Variants in GABPB1 observed in about 807,000 individuals in gnomAD.
The protein encoded by GABPB1 is GA binding protein transcription factor subunit beta 1.
In GABPB1, 15 loss-of-function variants were observed where a neutral mutation model predicts 45.9. The ratio of observed to expected loss-of-function variants is 0.33; its 90% CI spans 0.22 to 0.50. The LOEUF (loss-of-function observed/expected upper bound fraction) is 0.50. Ranked by LOEUF, GABPB1 falls within the 20% of genes least tolerant of loss-of-function variation. The pLI is 0.98. For synonymous variants in GABPB1, 143 were observed against 154.4 expected (o/e 0.93, Z 0.55); for missense variants, 252 against 457.5 (o/e 0.55, Z 4.10).
rs3784296 is a variant in GABPB1, at chr15:50,277,152, T to G, written c.*1480A>C. 0.52 allele frequency: 78,688 copies of G among 151,938 alleles called. 22,052 individuals are homozygous for G. Among genetic ancestry groups the G allele is most frequent in the Middle Eastern group, 0.68 (200 of 294 alleles). 9.4% of individuals were successfully genotyped at this position (151,938 alleles called of 1,614,324 possible). On this transcript the variant is annotated 3_prime_UTR_variant, in exon 9 of 9. Coordinates refer to ENST00000380877, the MANE Select transcript of GABPB1 (RefSeq NM_016654.5). ...TACCTCAGGAATTTTAAAGTCATGT[T>G]GTGGAGAGTATAAAATATTTTCATA... is the stretch of plus-strand genomic sequence containing the variant.
At position 50,301,272 on chromosome 15, in the gene GABPB1, C is replaced by G; in HGVS notation, c.568G>C (p.Val190Leu). The G allele has an allele frequency of 6.2e-7, 1 of 1,613,946 alleles. No homozygotes were observed. The highest frequency in any genetic ancestry group is 1.1e-5 in the South Asian group (1 of 91,084). Residue 190 changes from valine (V) to leucine (L), a missense_variant, in exon 5 of 9, where the codon GTG becomes CTG. Val to Leu is a conservative substitution (Grantham distance 32). Around this residue, in one of 4 missense-constraint regions of GABPB1, gnomAD observed 193 missense variants for 259.9 expected, o/e 0.74. Transcript: ENST00000380877. ...GATACCAGACCTGTTAGGTTCACCA[C>G]CCCTCCAGGTCCAATGATAAACTGT... is the stretch of plus-strand genomic sequence containing the variant. The part of the protein sequence containing the change: ...TPQFIIGPGG[V>L]VNLTDETGVS...
intron 1 of GABPB1, among the ~76,000 whole-genome samples, chr15:50,332,025 C>A (rs935879265): frequency 6.6e-6 from 1 of 152,070 alleles, no homozygotes; most frequent in Non-Finnish European, 1.5e-5. Flanking sequence ...CAGGCATGCA[C>A]CATCACACTC....
chr15:50,300,676 C>A (rs1475516951), intron 6 of GABPB1, 113 bp downstream of exon 6: 3 of 659,920 alleles, frequency 4.5e-6, no homozygotes, highest in Non-Finnish European at 8.2e-6. Context: ...AACTCCTGAG[C>A]TCAGGCAATC....
chr15:50,282,329 T>C lies in GABPB1; in HGVS notation c.1000-3545A>G, dbSNP rs781388461. 17 of 453,956 alleles carry C rather than the reference T, an allele frequency of 3.7e-5. No individual in the cohort carries two copies. The East Asian group carries it at 1.2e-3, about 32-fold the overall frequency. The allele number at this position is 453,956 out of a possible 1,614,324, so 28.1% of individuals were successfully genotyped here. ...ATCTCAACTCTTCAGGAGGCTGAGG[T>C]GGGAGGATCACTTGAGGCCAGGAGT... On this transcript the variant is annotated intron_variant, in intron 8 of 8. Coordinates refer to ENST00000380877, the MANE Select transcript of GABPB1 (RefSeq NM_016654.5).
At chr15:50,326,801 G>A (rs1016146167) in intron 1 of GABPB1, among the ~76,000 whole-genome samples, 2 of 151,362 alleles carry the variant, frequency 1.3e-5, no homozygotes, top group Admixed American at 6.6e-5. Context: ...ACTCCTACAC[G>A]CCAGCCTAGG....
intron 1 of GABPB1, among the ~76,000 whole-genome samples, chr15:50,343,325 AT>A (rs1341120022): frequency 3.3e-5 from 5 of 151,936 alleles, no homozygotes; most frequent in Non-Finnish European, 5.9e-5. Flanking sequence ...CTCATCTATC[AT>A]TCTCCCCCTT....
chr15:50,331,884 G>GT (rs1555513985), intron 1 of GABPB1, among the ~76,000 whole-genome samples: 7 of 91,342 alleles, frequency 7.7e-5, no homozygotes, highest in Non-Finnish European at 1.6e-4. Flanking sequence ...TTTGTTTTTT[G>GT]TTTTTTTTGA....
intron 1 of GABPB1, among the ~76,000 whole-genome samples, chr15:50,333,801 T>C (rs113933038): frequency 2.3e-4 from 35 of 151,982 alleles, no homozygotes; most frequent in Non-Finnish European, 3.4e-4. Flanking sequence ...GGCTGAGGCA[T>C]ATGGATCACC....
At chr15:50,300,634 A>G (rs1434698472) in intron 6 of GABPB1, among the ~76,000 whole-genome samples, 155 bp downstream of exon 6, 1 of 151,690 alleles carries the variant, frequency 6.6e-6, no homozygotes, top group Admixed American at 6.6e-5. Context: ...TAGTAGAAAC[A>G]GAGTTTCACT....
At chr15:50,300,354 G>A (rs1195525788) in intron 6 of GABPB1, among the ~76,000 whole-genome samples, 4 of 151,578 alleles carry the variant, frequency 2.6e-5, no homozygotes, top group East Asian at 1.9e-4. Context: ...TTCTTCAGCC[G>A]GGTGTAATCT....
chr15:50,285,789 T>C, intron 8 of GABPB1: 1 of 1,227,730 alleles, frequency 8.1e-7, no homozygotes, highest in Non-Finnish European at 1.0e-6. Context: ...TGTGTGTAAG[T>C]TTAAAACATA....
chr15:50,306,726 ATTAC>A (rs2046963492), intron 2 of GABPB1, among the ~76,000 whole-genome samples: 1 of 151,706 alleles, frequency 6.6e-6, no homozygotes, highest in Non-Finnish European at 1.5e-5. Flanking sequence ...TGTGACAAGC[ATTAC>A]TTAGTTTTCT....
rs2046717735 is a variant in GABPB1, at chr15:50,300,921, T to C, written c.584-19A>G. On this transcript the variant is annotated intron_variant, in intron 5 of 8. Transcript: ENST00000380877. ...GTTTCATCTGTAAGAAAAAAGAAAA[T>C]AGATTTGAATTTCTAAGGAGCTTAA... 2 of 1,407,108 alleles carry C rather than the reference T, an allele frequency of 1.4e-6. No individual in the cohort carries two copies. Among genetic ancestry groups the C allele is most frequent in the African/African-American group, 1.4e-5 (1 of 70,694 alleles). 87.2% of individuals were successfully genotyped at this position (1,407,108 alleles called of 1,614,324 possible).
intron 1 of GABPB1, among the ~76,000 whole-genome samples, chr15:50,345,228 C>T (rs1275329103): frequency 6.6e-6 from 1 of 152,170 alleles, no homozygotes; most frequent in Non-Finnish European, 1.5e-5. Context: ...AATAGTAACA[C>T]ATATATACTA....
At chr15:50,343,664 G>C (rs989163373) in intron 1 of GABPB1, among the ~76,000 whole-genome samples, 1 of 151,856 alleles carries the variant, frequency 6.6e-6, no homozygotes, top group Non-Finnish European at 1.5e-5. Context: ...TCAGCCTCCC[G>C]AGTGGCTGGG....
chr15:50,281,446 C>T lies in GABPB1; in HGVS notation c.1000-2662G>A, dbSNP rs942027963. 5.9e-5 allele frequency among the ~76,000 whole-genome samples: 9 copies of T among 152,258 alleles called. No homozygotes were observed. In the East Asian group the frequency reaches 1.5e-3, roughly 26 times the overall value. On this transcript the variant is annotated intron_variant, in intron 8 of 8. Transcript: ENST00000380877. ...CAGGATGGTCTCAATCTCCTGACCT[C>T]GTGATCTGCCCGCCTTGGCCTCCCA...
intron 6 of GABPB1, among the ~76,000 whole-genome samples, chr15:50,295,232 C>T (rs2046471412): frequency 6.6e-6 from 1 of 152,130 alleles, no homozygotes; most frequent in South Asian, 2.1e-4. Context: ...CCAAACAAAA[C>T]TCCCTTCCAA....
chr15:50,281,778 T>A (rs938665131), intron 8 of GABPB1, among the ~76,000 whole-genome samples: 2 of 152,170 alleles, frequency 1.3e-5, no homozygotes, highest in African/African-American at 4.8e-5. Context: ...AAAAAAAACT[T>A]TGCCTTCTCC....
At chr15:50,311,306 C>T (rs2047123852) in intron 1 of GABPB1, among the ~76,000 whole-genome samples, 1 of 151,940 alleles carries the variant, frequency 6.6e-6, no homozygotes, top group Non-Finnish European at 1.5e-5. Flanking sequence ...ATTTTAGGCC[C>T]ATGGGGAAGG....
Sources: gnomAD v4.1 joint callset for allele counts (sites outside exome capture counted in the v4.1 genomes callset) on GRCh38, gnomAD v4.1.1 for gene constraint, gnomAD v4.1.1 regional missense constraint, MANE v1.5 for transcripts, NCBI Gene and HGNC (gene_info 2026-07-23, HGNC 2026-07-21) for gene names.